MUC17: variants seen among roughly 807,000 people sequenced by gnomAD.
MUC17 encodes the protein mucin-17.
A neutral mutation model predicts 170.3 loss-of-function variants in MUC17; 190 were observed. That is an observed-to-expected ratio of 1.12 (90% CI 0.99 to 1.26). The LOEUF (loss-of-function observed/expected upper bound fraction) is 1.26. Ranked by LOEUF, MUC17 falls within the 50% of genes most tolerant of loss-of-function variation. MUC17 has a pLI of 0.00. For synonymous variants in MUC17, 2,325 were observed against 2,002.5 expected, an observed-to-expected ratio of 1.16 and a Z score of -4.30; for missense variants, 6,415 against 5,530.0, an observed-to-expected ratio of 1.16 and a Z score of -5.08.
intron 11 of MUC17, among the ~76,000 whole-genome samples, chr7:101,055,607 A>G (rs986664823): frequency 7.2e-5 from 11 of 152,248 alleles, no homozygotes; most frequent in Admixed American, 2.6e-4. Context: ...CTCTCTTAGT[A>G]ATTGACAAAA....
At chr7:101,049,462 C>T (rs1794898562) in intron 6 of MUC17, 80 bp downstream of exon 6, 2 of 1,531,236 alleles carry the variant, frequency 1.3e-6, no homozygotes, top group Non-Finnish European at 8.8e-7. Flanking sequence ...AGAACTGTGC[C>T]CCCTGCATTA....
At position 101,045,390 on chromosome 7, in the gene MUC17, C is replaced by CTTTTCT. The variant is rs538057325; in HGVS notation, c.12403+1582_12403+1587dup. 6.8e-4 allele frequency among the ~76,000 whole-genome samples: 103 copies of CTTTTCT among 150,904 alleles called. No individual in the cohort carries two copies. In the East Asian group the frequency reaches 0.016, roughly 24 times the overall value. On this transcript the variant is annotated intron_variant, in intron 3 of 12. Transcript: ENST00000306151. ...TGCCTGAACTTTTTTCTTTTCTTTT[C>CTTTTCT]TTTTCTTTTTCTTTTTTTTTTTGAT...
At position 101,042,506 on chromosome 7, in the gene MUC17, C is replaced by T; in HGVS notation, c.11090C>T (p.Thr3697Ile). 2.5e-6 allele frequency: 4 copies of T among 1,614,124 alleles called. No individual in the cohort carries two copies. Among genetic ancestry groups the T allele is most frequent in the Non-Finnish European group, 3.4e-6 (4 of 1,180,028 alleles). ...WTPSEGSTPL[T>I]TMPVSTTRVT... is the part of the protein sequence containing the mutation. Reference sequence around the variant, plus strand: ...CCTAGTGAAGGAAGCACTCCATTAACAACTATGCCTGTCAGCACCACACGT... The same window carrying T: ...CCTAGTGAAGGAAGCACTCCATTAATAACTATGCCTGTCAGCACCACACGT... Residue 3697 changes from threonine to isoleucine, a missense_variant, in exon 3 of 13, where the codon ACA becomes ATA. Coordinates refer to ENST00000306151, the MANE Select transcript of MUC17 (RefSeq NM_001040105.2).
rs756487434 is a variant in MUC17 at position 101,040,815 on chromosome 7, C to A, written c.9399C>A (p.Ser3133Arg). ...STLSTTPVDT[S>R]TPVTTSTEAH... ...TTTCAACAACTCCTGTTGACACCAG[C>A]ACACCTGTGACCACTTCTACTGAAG... Residue 3133 changes from serine (S) to arginine (R), a missense_variant, in exon 3 of 13, where the codon AGC (serine) becomes AGA (arginine). Coordinates refer to ENST00000306151, the MANE Select transcript of MUC17 (RefSeq NM_001040105.2). 1 of 1,613,542 alleles carries A rather than the reference C, an allele frequency of 6.2e-7. No homozygotes were observed. Among genetic ancestry groups the A allele is most frequent in the African/African-American group, 1.3e-5 (1 of 74,872 alleles).
chr7:101,047,432 C>T (rs1162968587), intron 3 of MUC17, among the ~76,000 whole-genome samples: 2 of 152,132 alleles, frequency 1.3e-5, no homozygotes, highest in African/African-American at 2.4e-5. Flanking sequence ...TCGGACCCAT[C>T]GGGACGTGGC....
In MUC17 at chr7:101,042,327, A is replaced by G; in HGVS notation, c.10911A>G (p.Leu3637=). ...CTCCTAGTGAAGTAAGCACTCCATT[A>G]ACCATTATGCCTGTCAGCACCACAT... The part of the protein sequence containing the change: ...MSTPSEVSTP[L]TIMPVSTTSV... Residue 3637 remains leucine (L), a synonymous_variant, in exon 3 of 13, where the codon TTA becomes TTG. Transcript: ENST00000306151. The G allele has an allele frequency of 6.2e-7, 1 of 1,614,004 alleles. No homozygotes were observed. Among genetic ancestry groups the G allele is most frequent in the Non-Finnish European group, 8.5e-7 (1 of 1,179,984 alleles).
Position 101,040,346 on chromosome 7 carries a change from T to G in MUC17, c.8930T>G (p.Met2977Arg). The G allele has an allele frequency of 6.2e-7, 1 of 1,612,838 alleles. No individual in the cohort carries two copies. Among genetic ancestry groups the G allele is most frequent in the South Asian group, 1.1e-5 (1 of 91,008 alleles). Residue 2977 changes from methionine (M) to arginine (R), a missense_variant, in exon 3 of 13, where the codon ATG becomes AGG. Met to Arg is a moderately conservative substitution (Grantham distance 91, BLOSUM62 -1). Transcript: ENST00000306151. ...SSPTTAEGTS[M>R]PISTPGERRT... ...CCTACAACTGCTGAAGGTACCAGCA[T>G]GCCAATCTCAACTCCTGGCGAAAGA...
chr7:101,034,624 A>G lies in MUC17; in HGVS notation c.3208A>G (p.Ser1070Gly), dbSNP rs1357587561. The change falls in exon 3 of 13, where the codon AGC (serine) becomes GGC (glycine). Residue 1070 changes from serine to glycine, a missense_variant. Physicochemically the swap from Ser to Gly is moderately conservative, Grantham distance 56. Transcript: ENST00000306151. The part of the protein sequence containing the change: ...STLSTTPADT[S>G]TPVTTYSQAS... ...ACTTTCAACAACTCCTGCTGACACC[A>G]GCACACCTGTGACCACTTATTCTCA... The G allele has an allele frequency of 1.9e-6, 3 of 1,607,834 alleles. No individual in the cohort carries two copies. The East Asian group carries it at 6.7e-5, about 36-fold the overall frequency.
In MUC17 at chr7:101,053,048, G is replaced by A. The variant is rs1368372474; in HGVS notation, c.13166G>A (p.Ser4389Asn). The stretch of plus-strand genomic sequence containing the variant: ...ACCTGTAACCAGGGCACCCAGAAGA[G>A]TCTGGTGTACGGCCTCGTGGGGGCA... ...GETCNQGTQK[S>N]LVYGLVGAGV... Residue 4389 changes from serine (S) to asparagine (N), a missense_variant, in exon 10 of 13, where the codon AGT becomes AAT. Physicochemically the swap from Ser to Asn is conservative, Grantham distance 46. Transcript: ENST00000306151. 3.7e-6 allele frequency: 6 copies of A among 1,614,088 alleles called. No individual in the cohort carries two copies. The highest frequency in any genetic ancestry group is 1.3e-5 in the African/African-American group (1 of 74,924).
rs761868422 is a variant in MUC17 at position 101,042,417 on chromosome 7, C to A, written c.11001C>A (p.Ile3667=). 6.2e-7 allele frequency: 1 copy of A among 1,614,024 alleles called. No individual in the cohort carries two copies. Among genetic ancestry groups the A allele is most frequent in the African/African-American group, 1.3e-5 (1 of 74,932 alleles). ...CTGTTGACACCAGCACACCTGTGAT[C>A]ACTTCTACCCAAGTCAGTTCATCTC... ...TLPVDTSTPV[I]TSTQVSSSPV... The change falls in exon 3 of 13, where the codon ATC becomes ATA. Residue 3667 remains isoleucine (I), a synonymous_variant. Transcript: ENST00000306151.
At position 101,043,237 on chromosome 7, in the gene MUC17, A is replaced by T. The variant is rs1317147352; in HGVS notation, c.11821A>T (p.Ile3941Phe). ...EGSTPGTTIF[I>F]PSTPVTSSTA... is the part of the protein sequence containing the mutation. The stretch of plus-strand genomic sequence containing the variant: ...AAGCACACCTGGGACAACCATTTTT[A>T]TTCCCAGCACTCCTGTCACCAGTTC... Residue 3941 changes from isoleucine (I) to phenylalanine (F), a missense_variant, in exon 3 of 13, where the codon ATT (isoleucine) becomes TTT (phenylalanine). Transcript: ENST00000306151. 1.2e-6 allele frequency: 2 copies of T among 1,613,958 alleles called. No homozygotes were observed. The highest frequency in any genetic ancestry group is 2.2e-5 in the East Asian group (1 of 44,888).
At chr7:101,056,297 G>A (rs1209754616) in intron 12 of MUC17, 27 bp downstream of exon 12, 1 of 1,612,178 alleles carries the variant, frequency 6.2e-7, no homozygotes, top group Non-Finnish European at 8.5e-7. Flanking sequence ...TGGGATGCTG[G>A]CCTCCCCCAA....
rs1794349802 is a variant in MUC17, at chr7:101,033,234, A to G, written c.1818A>G (p.Glu606=). The change falls in exon 3 of 13, where the codon GAA becomes GAG. Residue 606 remains glutamate (E), a synonymous_variant. Coordinates refer to ENST00000306151, the MANE Select transcript of MUC17 (RefSeq NM_001040105.2). ...DSNTFVTTSS[E]ASSSSTTAEG... is the part of the protein sequence containing the mutation. ...ACACTTTTGTGACCACTTCTAGTGAAGCTAGTTCATCTTCTACAACTGCTG... is the reference window on the plus strand; with the variant it reads ...ACACTTTTGTGACCACTTCTAGTGAGGCTAGTTCATCTTCTACAACTGCTG... 6.2e-7 allele frequency: 1 copy of G among 1,614,134 alleles called. No homozygotes were observed. The highest frequency in any genetic ancestry group is 8.5e-7 in the Non-Finnish European group (1 of 1,180,034).
chr7:101,039,638 T>C lies in MUC17; in HGVS notation c.8222T>C (p.Met2741Thr), dbSNP rs780759974. Residue 2741 changes from methionine (M) to threonine (T), a missense_variant, in exon 3 of 13, where the codon ATG becomes ACG. Physicochemically the swap from Met to Thr is moderately conservative, Grantham distance 81. Transcript: ENST00000306151. ...SSPTTAEGTS[M>T]RISTPSDGST... ...CCTACAACTGCTGAAGGTACCAGCA[T>C]GCGAATCTCAACTCCTAGTGATGGA... 15 of 1,612,252 alleles carry C rather than the reference T, an allele frequency of 9.3e-6. No homozygotes were observed. Among genetic ancestry groups the C allele is most frequent in the Non-Finnish European group, 1.3e-5 (15 of 1,179,544 alleles).
Position 101,051,811 on chromosome 7 carries a change from C to T in MUC17, c.12952C>T (p.Arg4318Trp), listed in dbSNP as rs752360913. Residue 4318 changes from arginine (R) to tryptophan (W), a missense_variant, in exon 9 of 13, where the codon CGG becomes TGG. By Grantham distance (101) the Arg-to-Trp change is moderately radical. Transcript: ENST00000306151. ...CCTGCACCCCCCACCAGAGGACTGC[C>T]GGAAGATGGCCAAGGAATATGGAGA... The part of the protein sequence containing the change: ...VTQYDPEEDC[R>W]KMAKEYGDYF... 1.5e-5 allele frequency: 24 copies of T among 1,613,340 alleles called. No individual in the cohort carries two copies. The highest frequency in any genetic ancestry group is 8.8e-5 in the South Asian group (8 of 90,998).
chr7:101,058,021 C>T lies in MUC17; in HGVS notation c.13459C>T (p.Gln4487Ter), dbSNP rs1299853943. Reference sequence around the variant, plus strand: ...TTTTCAGATCCGAATTCAGAGGCCTCAGGTAATGACGACATCATTTTAAGG... The same window carrying T: ...TTTTCAGATCCGAATTCAGAGGCCTTAGGTAATGACGACATCATTTTAAGG... ...PETKIRIQRP[Q>*]VMTTSF The change falls in exon 13 of 13, where the codon CAG becomes TAG. Residue 4487 changes from glutamine (Q) to a stop codon, truncating the protein, a stop_gained. Transcript: ENST00000306151. LOFTEE classifies it high-confidence loss of function. The T allele has an allele frequency of 1.9e-6, 3 of 1,613,830 alleles. No homozygotes were observed. The African/African-American group carries it at 4.0e-5, about 22-fold the overall frequency.
intron 1 of MUC17, among the ~76,000 whole-genome samples, chr7:101,020,773 TC>T (rs775893118): frequency 6.6e-6 from 1 of 152,090 alleles, no homozygotes; most frequent in Non-Finnish European, 1.5e-5. Flanking sequence ...TCAGTTCATC[TC>T]CTGCCTCAGT....
chr7:101,047,956 A>C (rs1314005103), intron 3 of MUC17, 28 bp from the exon 4 acceptor site: 1 of 1,548,256 alleles, frequency 6.5e-7, no homozygotes, highest in Non-Finnish European at 8.7e-7. Flanking sequence ...AGGAACTTGG[A>C]AAGAAAACTT....
Position 101,036,593 on chromosome 7 carries a change from A to T in MUC17, c.5177A>T (p.Glu1726Val). 2 of 1,612,912 alleles carry T rather than the reference A, an allele frequency of 1.2e-6. No individual in the cohort carries two copies. Among genetic ancestry groups the T allele is most frequent in the Non-Finnish European group, 1.7e-6 (2 of 1,179,504 alleles). ...DNSTPVTTST[E>V]ARSSPTTSEG... is the part of the protein sequence containing the mutation. ...AGCACACCTGTGACCACTTCTACTGAAGCCCGTTCATCTCCTACAACTTCT... is the reference window on the plus strand; with the variant it reads ...AGCACACCTGTGACCACTTCTACTGTAGCCCGTTCATCTCCTACAACTTCT... The change falls in exon 3 of 13, where the codon GAA (glutamate) becomes GTA (valine). Residue 1726 changes from glutamate (E) to valine (V), a missense_variant. By Grantham distance (121) the Glu-to-Val change is moderately radical. Transcript: ENST00000306151.
Sources: allele counts gnomAD v4.1 joint callset (sites outside exome capture counted in the v4.1 genomes callset), GRCh38; gene constraint gnomAD v4.1.1; transcripts MANE v1.5; gene names NCBI Gene and HGNC (gene_info 2026-07-23, HGNC 2026-07-21).